The following CFAP61 variants were observed in gnomAD, a reference collection of about 807,000 sequenced individuals.
The protein encoded by CFAP61 is cilia and flagella associated protein 61.
CFAP61 carries 107 observed loss-of-function variants against 135.6 expected under a neutral mutation model. The observed-to-expected ratio is 0.79, with a 90% CI of 0.67 to 0.93. CFAP61 has a LOEUF of 0.93. Among genes scored for constraint, CFAP61 ranks in the 40% least tolerant of loss-of-function variants. The probability of loss-of-function intolerance (pLI) is 0.00; values close to 1 mark genes in which losing one functional copy is unlikely to be tolerated. For missense variants in CFAP61, 1,507 were observed against 1,556.2 expected, an observed-to-expected ratio of 0.97 and a Z score of 0.53; for synonymous variants, 575 against 578.5, an observed-to-expected ratio of 0.99 and a Z score of 0.09.
At chr20:20,276,136 A>G (rs1273020061) in intron 21 of CFAP61, among the ~76,000 whole-genome samples, 1 of 152,248 alleles carries the variant, frequency 6.6e-6, no homozygotes, top group Non-Finnish European at 1.5e-5. Context: ...AAGACAAGCC[A>G]TCACACTTCC....
At chr20:20,241,440 A>C (rs191652630) in intron 18 of CFAP61, among the ~76,000 whole-genome samples, 2,069 of 152,326 alleles carry the variant, frequency 0.014, 21 homozygotes, top group Non-Finnish European at 0.016. Flanking sequence ...TCTATCCCCC[A>C]AAAAATCTTT....
intron 19 of CFAP61, among the ~76,000 whole-genome samples, chr20:20,249,667 C>T (rs940335414): frequency 6.6e-6 from 1 of 152,220 alleles, no homozygotes; most frequent in Non-Finnish European, 1.5e-5. Context: ...TCCCACTGGA[C>T]AGAGCTTCAC....
intron 6 of CFAP61, among the ~76,000 whole-genome samples, chr20:20,082,323 A>G (rs1225366590): frequency 3.3e-5 from 5 of 152,242 alleles, no homozygotes; most frequent in African/African-American, 1.2e-4. Context: ...AAACCAATGA[A>G]TTAACACTGT....
intron 17 of CFAP61, among the ~76,000 whole-genome samples, chr20:20,208,109 C>T (rs764286078): frequency 5.9e-5 from 9 of 152,174 alleles, no homozygotes; most frequent in Non-Finnish European, 8.8e-5. Flanking sequence ...TCAGAGTCAT[C>T]GTCTCCATTT....
chr20:20,181,276 TACAC>T (rs74180984), intron 13 of CFAP61, among the ~76,000 whole-genome samples: 27 of 144,542 alleles, frequency 1.9e-4, no homozygotes, highest in African/African-American at 4.4e-4. Flanking sequence ...TGTGTATGTA[TACAC>T]ACACACACAC....
intron 13 of CFAP61, among the ~76,000 whole-genome samples, chr20:20,172,645 T>A (rs530281852): frequency 6.6e-6 from 1 of 152,164 alleles, no homozygotes; most frequent in Non-Finnish European, 1.5e-5. Flanking sequence ...AAAAGTAGTT[T>A]TAGGTTTACA....
chr20:20,128,547 G>C (rs1428018668), intron 8 of CFAP61, among the ~76,000 whole-genome samples: 1 of 151,610 alleles, frequency 6.6e-6, no homozygotes, highest in African/African-American at 2.4e-5. Flanking sequence ...TGTCTCCCGG[G>C]TTCTGCAGGA....
chr20:20,318,089 T>C (rs2122228026), intron 25 of CFAP61, among the ~76,000 whole-genome samples: 1 of 152,282 alleles, frequency 6.6e-6, no homozygotes, highest in African/African-American at 2.4e-5. Flanking sequence ...AGGAAGGACG[T>C]CCCTTCTTGG....
At chr20:20,110,475 G>A (rs2048725247) in intron 8 of CFAP61, among the ~76,000 whole-genome samples, 1 of 152,188 alleles carries the variant, frequency 6.6e-6, no homozygotes, top group Non-Finnish European at 1.5e-5. Flanking sequence ...TTAGAATGCG[G>A]AAACAAAAAT....
intron 8 of CFAP61, among the ~76,000 whole-genome samples, chr20:20,142,071 G>T (rs2051446179): frequency 6.6e-6 from 1 of 152,148 alleles, no homozygotes; most frequent in African/African-American, 2.4e-5. Context: ...ATCCTCCAAT[G>T]ATGTCTTCTC....
intron 25 of CFAP61, among the ~76,000 whole-genome samples, chr20:20,302,103 T>C (rs2122149477): frequency 6.6e-6 from 1 of 152,320 alleles, no homozygotes; most frequent in East Asian, 1.9e-4. Context: ...TTGCACAACT[T>C]TTGTTTGATA....
intron 23 of CFAP61, 108 bp from the exon 24 acceptor site, chr20:20,290,192 G>C: frequency 1.4e-6 from 1 of 726,996 alleles, no homozygotes; most frequent in Non-Finnish European, 2.5e-6. Context: ...AAAGTTTGAG[G>C]AGCATACGCC....
intron 21 of CFAP61, among the ~76,000 whole-genome samples, chr20:20,264,970 A>G (rs2052587495): frequency 6.6e-6 from 1 of 152,230 alleles, no homozygotes; most frequent in Non-Finnish European, 1.5e-5. Flanking sequence ...TTAGTGAGCA[A>G]GCAACTATAG....
intron 17 of CFAP61, among the ~76,000 whole-genome samples, chr20:20,210,342 C>T (rs2047541830): frequency 6.6e-6 from 1 of 152,250 alleles, no homozygotes; most frequent in African/African-American, 2.4e-5. Context: ...ATGTGTTCTT[C>T]TGCATCTGTC....
chr20:20,084,470 A>G (rs1357489430), intron 6 of CFAP61, among the ~76,000 whole-genome samples: 1 of 151,610 alleles, frequency 6.6e-6, no homozygotes, highest in Middle Eastern at 3.2e-3. Flanking sequence ...TGAGTTTTCC[A>G]TCTGTGCATT....
chr20:20,228,289 T>G lies in CFAP61; in HGVS notation c.1973T>G (p.Leu658Trp), dbSNP rs2048887177. The G allele has an allele frequency of 1.9e-6, 3 of 1,611,406 alleles. No homozygotes were observed. In the Admixed American group the frequency reaches 5.0e-5, roughly 27 times the overall value. Residue 658 changes from leucine to tryptophan, a missense_variant, in exon 18 of 27, where the codon TTG (leucine) becomes TGG (tryptophan). Leu to Trp is a moderately conservative substitution (Grantham distance 61, BLOSUM62 -2). Transcript: ENST00000245957. The stretch of plus-strand genomic sequence containing the variant: ...AACCATACAAACAGAAAACTAACAT[T>G]GGAACCTAAAATTACTGTCAATGCC... ...ALNHTNRKLT[L>W]EPKITVNAKI...
At chr20:20,083,385 G>A (rs1200527205) in intron 6 of CFAP61, among the ~76,000 whole-genome samples, 1 of 151,890 alleles carries the variant, frequency 6.6e-6, no homozygotes, top group Non-Finnish European at 1.5e-5. Flanking sequence ...CAACCTATTG[G>A]GTACAGTGTA....
intron 25 of CFAP61, chr20:20,323,315 A>G (rs772917520): frequency 5.1e-6 from 5 of 985,386 alleles, no homozygotes; most frequent in Non-Finnish European, 6.0e-6. Flanking sequence ...CCTTCAAAAG[A>G]GAGTAAGAAA....
At chr20:20,134,906 T>C (rs1288969131) in intron 8 of CFAP61, among the ~76,000 whole-genome samples, 1 of 151,936 alleles carries the variant, frequency 6.6e-6, no homozygotes, top group Non-Finnish European at 1.5e-5. Flanking sequence ...CCTATTAAAG[T>C]AGACAGAAAA....
Sources: allele counts gnomAD v4.1 joint callset (sites outside exome capture counted in the v4.1 genomes callset), GRCh38; gene constraint gnomAD v4.1.1; transcripts MANE v1.5; gene names NCBI Gene and HGNC (gene_info 2026-07-23, HGNC 2026-07-21).